Variants in C12orf42 observed in about 807,000 individuals in gnomAD.
C12orf42 encodes chromosome 12 open reading frame 42.
A neutral mutation model predicts 21.6 loss-of-function variants in C12orf42; 25 were observed. The observed-to-expected ratio is 1.16, with a 90% confidence interval of 0.84 to 1.62. The LOEUF (loss-of-function observed/expected upper bound fraction) is 1.62. C12orf42 is among the 40% of genes most tolerant of loss of function. The pLI is 0.00. For synonymous variants in C12orf42, 174 were observed against 175.0 expected, an observed-to-expected ratio of 0.99 and a Z score of 0.05; for missense variants, 483 against 459.3, an observed-to-expected ratio of 1.05 and a Z score of -0.47.
chr12:103,522,842 G>A, the C12orf42 span, among the ~76,000 whole-genome samples: 1 of 152,194 alleles, frequency 6.6e-6, no homozygotes, highest in Non-Finnish European at 1.5e-5. Flanking sequence ...AGTCCACAAT[G>A]GTTTTGATGG....
chr12:103,104,548 C>A, the C12orf42 span, among the ~76,000 whole-genome samples: 1 of 152,204 alleles, frequency 6.6e-6, no homozygotes. Flanking sequence ...TCAAGCAATT[C>A]CCCTGCCTCA....
chr12:103,168,991 C>T, the C12orf42 span, among the ~76,000 whole-genome samples: 2 of 151,838 alleles, frequency 1.3e-5, no homozygotes, highest in African/African-American at 4.8e-5. Flanking sequence ...AGGGGAACAT[C>T]ACACACTGGA....
At chr12:103,218,111 C>G in the C12orf42 span, among the ~76,000 whole-genome samples, 38 of 152,020 alleles carry the variant, frequency 2.5e-4, no homozygotes, top group African/African-American at 9.2e-4. Context: ...CAAAACCCGT[C>G]TCTACTAAAA....
chr12:103,220,437 A>AAT, the C12orf42 span, among the ~76,000 whole-genome samples: 1 of 152,212 alleles, frequency 6.6e-6, no homozygotes, highest in South Asian at 2.1e-4. Context: ...CTGACCAATA[A>AAT]ATATATATAT....
chr12:103,125,119 T>A, the C12orf42 span, among the ~76,000 whole-genome samples: 1 of 152,216 alleles, frequency 6.6e-6, no homozygotes, highest in Non-Finnish European at 1.5e-5. Flanking sequence ...CATGGTGATT[T>A]GGACTCCACC....
Position 103,431,866 on chromosome 12 carries a change from T to C in C12orf42, c.79-30191A>G, listed in dbSNP as rs546521652. 1.3e-4 allele frequency among the ~76,000 whole-genome samples: 20 copies of C among 152,166 alleles called. No individual in the cohort carries two copies. The East Asian group carries it at 3.7e-3, about 28-fold the overall frequency. On this transcript the variant is annotated intron_variant, in intron 2 of 5. Coordinates refer to ENST00000548883, the MANE Select transcript of C12orf42 (RefSeq NM_198521.5). The stretch of plus-strand genomic sequence containing the variant: ...TTCTTGCCTCCTCAGGAGAAAGAAT[T>C]TAACTGAGGGGCATAAGGCAGGAGA...
chr12:103,453,543 C>T (rs1952090745), intron 2 of C12orf42, among the ~76,000 whole-genome samples: 1 of 151,780 alleles, frequency 6.6e-6, no homozygotes, highest in African/African-American at 2.4e-5. Flanking sequence ...ATGAGCTTTT[C>T]TGTTTATTTT....
chr12:103,545,521 CTATT>C, the C12orf42 span, among the ~76,000 whole-genome samples: 11 of 152,206 alleles, frequency 7.2e-5, 1 homozygote, highest in Admixed American at 2.6e-4. Flanking sequence ...GGGGAAAAAA[CTATT>C]TAAGAGGGAA....
the C12orf42 span, among the ~76,000 whole-genome samples, chr12:103,090,354 A>G: frequency 6.6e-6 from 1 of 152,192 alleles, no homozygotes; most frequent in Non-Finnish European, 1.5e-5. Context: ...TGAAGCCTTG[A>G]GGAGCTTCAG....
At chr12:103,526,627 C>T in the C12orf42 span, among the ~76,000 whole-genome samples, 1 of 152,126 alleles carries the variant, frequency 6.6e-6, no homozygotes, top group African/African-American at 2.4e-5. Flanking sequence ...AAGCCCTAAC[C>T]CCCAATGTGA....
chr12:103,275,819 G>C (rs1215799984), intron 5 of C12orf42, among the ~76,000 whole-genome samples: 2 of 151,060 alleles, frequency 1.3e-5, no homozygotes, highest in Non-Finnish European at 2.9e-5. Context: ...GCTGGGCACA[G>C]TGGGTCACAC....
chr12:103,361,746 C>A (rs1197945497), intron 4 of C12orf42, among the ~76,000 whole-genome samples: 2 of 151,988 alleles, frequency 1.3e-5, no homozygotes, highest in African/African-American at 4.8e-5. Flanking sequence ...CCCCCACTTC[C>A]CTGACTACCT....
At chr12:103,555,108 A>G in the C12orf42 span, among the ~76,000 whole-genome samples, 1 of 152,202 alleles carries the variant, frequency 6.6e-6, no homozygotes, top group African/African-American at 2.4e-5. Flanking sequence ...AACTTGTTAA[A>G]GCACGGGTTC....
chr12:103,201,371 T>C, the C12orf42 span, among the ~76,000 whole-genome samples: 1 of 152,146 alleles, frequency 6.6e-6, no homozygotes, highest in Admixed American at 6.5e-5. Context: ...GAGCTTCTTC[T>C]CCATCCAACC....
chr12:103,416,132 G>A (rs777049452), intron 2 of C12orf42, among the ~76,000 whole-genome samples: 1 of 151,356 alleles, frequency 6.6e-6, no homozygotes, highest in Non-Finnish European at 1.5e-5. Context: ...TGTCATTTTG[G>A]TTGCTTGTTT....
chr12:103,307,192 C>T (rs185293077), intron 4 of C12orf42, among the ~76,000 whole-genome samples: 4 of 152,264 alleles, frequency 2.6e-5, no homozygotes, highest in Admixed American at 2.6e-4. Context: ...AAGTAGCTTG[C>T]TAAAGGTCAC....
At chr12:103,543,033 T>G in the C12orf42 span, among the ~76,000 whole-genome samples, 3 of 152,204 alleles carry the variant, frequency 2.0e-5, no homozygotes, top group Non-Finnish European at 4.4e-5. Context: ...TCAAGAGGAC[T>G]GCCCATGATT....
intron 4 of C12orf42, among the ~76,000 whole-genome samples, chr12:103,295,014 T>C (rs2037155966): frequency 6.6e-6 from 1 of 152,178 alleles, no homozygotes; most frequent in African/African-American, 2.4e-5. Context: ...ACTGAGAACA[T>C]GGGATATTTG....
chr12:103,309,188 A>G (rs1037567007), intron 4 of C12orf42, among the ~76,000 whole-genome samples: 1 of 152,174 alleles, frequency 6.6e-6, no homozygotes, highest in Non-Finnish European at 1.5e-5. Context: ...AGTACAGTTG[A>G]CCCTTGAACT....
Sources: allele counts gnomAD v4.1 joint callset (sites outside exome capture counted in the v4.1 genomes callset), GRCh38; gene constraint gnomAD v4.1.1; transcripts MANE v1.5; gene names NCBI Gene and HGNC (gene_info 2026-07-23, HGNC 2026-07-21).